The following UNC13C variants were observed in gnomAD, a reference collection of about 807,000 sequenced individuals.
UNC13C encodes unc-13 homolog C.
In UNC13C, 174 loss-of-function variants were observed where a neutral mutation model predicts 245.4. That is an observed-to-expected ratio of 0.71 (90% CI 0.63 to 0.80). The LOEUF is 0.80. Ranked by LOEUF, UNC13C falls within the 30% of genes least tolerant of loss-of-function variation. The probability of loss-of-function intolerance (pLI) is 0.00; values close to 1 mark genes in which losing one functional copy is unlikely to be tolerated. For synonymous variants in UNC13C, 992 were observed against 895.1 expected (o/e 1.11, Z -1.93); for missense variants, 2,829 against 2,602.9 (o/e 1.09, Z -1.89).
rs557349442 is a variant in UNC13C at position 54,531,642 on chromosome 15, CT to C, written c.5547-1262del. ...GTGTATCCAGATGCCAAGAGTGTTT[CT>C]TTTTTTTTTTTTAACAACAAATTTT... On this transcript the variant is annotated intron_variant, in intron 25 of 32. Transcript: ENST00000260323. 4.3e-3 allele frequency among the ~76,000 whole-genome samples: 609 copies of C among 143,190 alleles called. 1 individual carries two copies. Among genetic ancestry groups the C allele is most frequent in the African/African-American group, 8.3e-3 (327 of 39,476 alleles). The allele number at this position is 143,190 out of a possible 152,430, so 93.9% of individuals were successfully genotyped here. A position where few individuals can be genotyped will look rare whatever the true frequency, so the allele number is the denominator to read the frequency against.
chr15:53,864,691 C>T, the UNC13C span, among the ~76,000 whole-genome samples: 3 of 152,092 alleles, frequency 2.0e-5, no homozygotes, highest in Non-Finnish European at 2.9e-5. Context: ...TTTGCAGAAT[C>T]GTAGATACAG....
In UNC13C at chr15:54,015,728, C is replaced by T. The variant is rs17731958; in HGVS notation, c.2825C>T (p.Ser942Leu). The change falls in exon 2 of 33, where the codon TCA becomes TTA. Residue 942 changes from serine (S) to leucine (L), a missense_variant. Transcript: ENST00000260323. ...EEGLEPLNETSAEMEIREDEN... is the reference protein window; with the variant it reads ...EEGLEPLNETLAEMEIREDEN... The stretch of plus-strand genomic sequence containing the variant: ...GGGTTAGAACCCTTAAATGAAACAT[C>T]AGCTGAGATGGAAATAAGAGAAGAT... 0.046 allele frequency: 73,774 copies of T among 1,613,338 alleles called. 3,174 individuals are homozygous for T. Among genetic ancestry groups the T allele is most frequent in the East Asian group, 0.22 (10,039 of 44,830 alleles).
At chr15:53,954,998 C>T in the UNC13C span, among the ~76,000 whole-genome samples, 1 of 152,060 alleles carries the variant, frequency 6.6e-6, no homozygotes, top group Admixed American at 6.6e-5. Flanking sequence ...CTGGCTAGGA[C>T]GTATGAAATT....
intron 1 of UNC13C, among the ~76,000 whole-genome samples, chr15:53,992,568 A>G (rs1894439745): frequency 6.6e-6 from 1 of 152,070 alleles, no homozygotes; most frequent in South Asian, 2.1e-4. Flanking sequence ...AGAGTTTCAG[A>G]TGAATTAACC....
At chr15:54,290,731 A>T (rs1218332946) in intron 10 of UNC13C, among the ~76,000 whole-genome samples, 1 of 152,060 alleles carries the variant, frequency 6.6e-6, no homozygotes, top group Non-Finnish European at 1.5e-5. Context: ...TATAGCAAAA[A>T]CTAGAAGCTC....
At chr15:53,983,300 T>C (rs758858459) in intron 1 of UNC13C, among the ~76,000 whole-genome samples, 8 of 152,090 alleles carry the variant, frequency 5.3e-5, no homozygotes, top group Non-Finnish European at 1.2e-4. Flanking sequence ...AGTGCCTTCC[T>C]CTCTGGATTG....
chr15:53,946,969 AAC>A, the UNC13C span, among the ~76,000 whole-genome samples: 3 of 152,146 alleles, frequency 2.0e-5, no homozygotes, highest in Non-Finnish European at 2.9e-5. Context: ...AAAAGTCATT[AAC>A]ACAGAGTCTA....
At chr15:54,494,443 T>C (rs1438580382) in intron 19 of UNC13C, among the ~76,000 whole-genome samples, 165 bp from the exon 20 acceptor site, 2 of 152,094 alleles carry the variant, frequency 1.3e-5, no homozygotes, top group African/African-American at 4.8e-5. Context: ...TAATTATTTC[T>C]GCATTTTATA....
At chr15:54,326,872 T>C (rs945365572) in intron 14 of UNC13C, among the ~76,000 whole-genome samples, 1 of 152,052 alleles carries the variant, frequency 6.6e-6, no homozygotes, top group Non-Finnish European at 1.5e-5. Flanking sequence ...TCAGGAATAT[T>C]GCAAGCTTGT....
the UNC13C span, among the ~76,000 whole-genome samples, chr15:53,850,205 C>T: frequency 1.3e-5 from 2 of 151,948 alleles, no homozygotes; most frequent in Non-Finnish European, 2.9e-5. Context: ...CAATTGAGGT[C>T]AAGTTCAAGA....
intron 18 of UNC13C, among the ~76,000 whole-genome samples, chr15:54,395,772 C>T (rs543179902): frequency 4.0e-5 from 6 of 151,756 alleles, no homozygotes; most frequent in South Asian, 4.1e-4. Flanking sequence ...TTTACAGTGA[C>T]GGTAGACTAT....
chr15:53,840,580 C>A, the UNC13C span, among the ~76,000 whole-genome samples: 1 of 152,120 alleles, frequency 6.6e-6, no homozygotes, highest in African/African-American at 2.4e-5. Flanking sequence ...GGACAGGGTT[C>A]AAGACCATAG....
chr15:54,387,621 C>T (rs1045869678), intron 17 of UNC13C, among the ~76,000 whole-genome samples: 3 of 152,088 alleles, frequency 2.0e-5, no homozygotes, highest in Non-Finnish European at 2.9e-5. Context: ...GCCCATTTTT[C>T]TAACCTATGA....
At chr15:53,999,344 C>A (rs1894781139) in intron 1 of UNC13C, among the ~76,000 whole-genome samples, 1 of 151,382 alleles carries the variant, frequency 6.6e-6, no homozygotes, top group African/African-American at 2.4e-5. Flanking sequence ...AAAATTCTTC[C>A]TTAGTTTTTA....
At chr15:54,369,699 T>C (rs890901475) in intron 17 of UNC13C, among the ~76,000 whole-genome samples, 6 of 152,108 alleles carry the variant, frequency 3.9e-5, no homozygotes, top group African/African-American at 1.4e-4. Flanking sequence ...TCACTGACAT[T>C]ACTTCACCAA....
intron 30 of UNC13C, among the ~76,000 whole-genome samples, chr15:54,579,855 G>A (rs1046301451): frequency 2.0e-5 from 3 of 152,208 alleles, no homozygotes. Flanking sequence ...ACATGTTATT[G>A]TATAATGCAC....
At chr15:54,137,076 C>G in intron 2 of UNC13C, among the ~76,000 whole-genome samples, 1 of 152,052 alleles carries the variant, frequency 6.6e-6, no homozygotes, top group East Asian at 1.9e-4. Flanking sequence ...ACTCCTGGGC[C>G]GTAGTGATCT....
chr15:54,057,937 G>A lies in UNC13C; in HGVS notation c.2983+42051G>A, dbSNP rs553905576. 1.8e-3 allele frequency among the ~76,000 whole-genome samples: 281 copies of A among 152,238 alleles called. 1 individual carries two copies. The highest frequency in any genetic ancestry group is 3.0e-3 in the Non-Finnish European group (204 of 68,018). On this transcript the variant is annotated intron_variant, in intron 2 of 32. Transcript: ENST00000260323. ...ACAAGAACAAAGACACAACATACCA[G>A]AATCCCTGGGACTCATTCAGAGCAG...
chr15:54,599,200 G>A (rs1442093892), intron 30 of UNC13C, among the ~76,000 whole-genome samples: 1 of 151,978 alleles, frequency 6.6e-6, no homozygotes, highest in Non-Finnish European at 1.5e-5. Context: ...TCTTACCAAT[G>A]AAGAGAAACA....
Sources: gnomAD v4.1 joint callset for allele counts (sites outside exome capture counted in the v4.1 genomes callset) on GRCh38, gnomAD v4.1.1 for gene constraint, MANE v1.5 for transcripts, NCBI Gene and HGNC (gene_info 2026-07-23, HGNC 2026-07-21) for gene names.